The following DPP6 variants were observed in gnomAD, a reference collection of about 807,000 sequenced individuals.
DPP6 encodes the protein dipeptidyl peptidase like 6, also known as A-type potassium channel modulatory protein DPP6.
In DPP6, 69 loss-of-function variants were observed where a neutral mutation model predicts 122.6. That is an observed-to-expected ratio of 0.56 (90% CI 0.46 to 0.69). The LOEUF is 0.69. DPP6 is among the 30% of genes least tolerant of loss of function. DPP6 has a pLI of 0.00. For synonymous variants in DPP6, 418 were observed against 433.1 expected (o/e 0.97, Z 0.43); for missense variants, 928 against 1,116.9 (o/e 0.83, Z 2.41).
intron 8 of DPP6, among the ~76,000 whole-genome samples, chr7:154,733,162 G>C (rs923945049): frequency 1.3e-5 from 2 of 152,226 alleles, no homozygotes; most frequent in African/African-American, 4.8e-5. Flanking sequence ...CCTTCACTGG[G>C]TGGCCAGCAT....
intron 24 of DPP6, 33 bp downstream of exon 24, chr7:154,889,377 C>G (rs1329759311): frequency 6.2e-7 from 1 of 1,610,054 alleles, no homozygotes; most frequent in African/African-American, 1.3e-5. Context: ...CACTGTGTAT[C>G]TAGTAAGAGC....
rs75213895 is a variant in DPP6 at position 154,588,029 on chromosome 7, C to T, written c.627+21113C>T. Reference sequence around the variant, plus strand: ...TGTGAGGCATCGCATCTGCTCACCCCGGGGATAATGCACAGCAGCTACAGG... The same window carrying T: ...TGTGAGGCATCGCATCTGCTCACCCTGGGGATAATGCACAGCAGCTACAGG... On this transcript the variant is annotated intron_variant, in intron 5 of 25. Transcript: ENST00000377770. 0.095 allele frequency: 153,466 copies of T among 1,612,444 alleles called. 7,962 individuals carry two copies. The highest frequency in any genetic ancestry group is 0.17 in the Admixed American group (10,107 of 59,994).
At chr7:154,714,122 A>G in intron 7 of DPP6, among the ~76,000 whole-genome samples, 1 of 152,216 alleles carries the variant, frequency 6.6e-6, no homozygotes, top group East Asian at 1.9e-4. Flanking sequence ...AGACCACCTC[A>G]GCCTGGACTT....
chr7:154,871,501 G>C (rs754178006), intron 18 of DPP6, among the ~76,000 whole-genome samples: 9 of 152,172 alleles, frequency 5.9e-5, no homozygotes, highest in Non-Finnish European at 1.3e-4. Flanking sequence ...GTATTTTTTA[G>C]AAAAGTAGGA....
At chr7:153,866,233 C>T in the DPP6 span, among the ~76,000 whole-genome samples, 18 of 152,314 alleles carry the variant, frequency 1.2e-4, 1 homozygote, top group Admixed American at 9.8e-4. Flanking sequence ...GCCACACTGA[C>T]TTCCACAATG....
At chr7:154,616,820 G>A (rs745588197) in intron 5 of DPP6, among the ~76,000 whole-genome samples, 14 of 152,130 alleles carry the variant, frequency 9.2e-5, no homozygotes, top group Non-Finnish European at 1.8e-4. Flanking sequence ...AATGTTAAAC[G>A]TTCCATCTCA....
chr7:154,331,096 G>A (rs1387238342), intron 1 of DPP6, among the ~76,000 whole-genome samples: 2 of 152,164 alleles, frequency 1.3e-5, no homozygotes, highest in African/African-American at 4.8e-5. Context: ...TGCTCTGAGT[G>A]CCTGTGCTGT....
chr7:154,384,738 TTTTA>T (rs1268374546), intron 1 of DPP6, among the ~76,000 whole-genome samples: 114 of 88,776 alleles, frequency 1.3e-3, no homozygotes, highest in Admixed American at 2.7e-3. Context: ...TCTTTCTTTC[TTTTA>T]TTTTTTTTTG....
chr7:154,311,128 A>G (rs1238944499), intron 1 of DPP6, among the ~76,000 whole-genome samples: 2 of 152,190 alleles, frequency 1.3e-5, no homozygotes, highest in African/African-American at 4.8e-5. Context: ...TTGGAAAAAC[A>G]AAATAAAGTG....
intron 1 of DPP6, among the ~76,000 whole-genome samples, chr7:153,938,753 G>C (rs35529840): frequency 0.014 from 2,099 of 152,282 alleles, 28 homozygotes; most frequent in Middle Eastern, 0.078. Context: ...AAGAAGGAAA[G>C]CAAAGAATGG....
At chr7:154,813,459 T>A (rs1242281440) in intron 16 of DPP6, among the ~76,000 whole-genome samples, 1 of 152,164 alleles carries the variant, frequency 6.6e-6, no homozygotes, top group African/African-American at 2.4e-5. Context: ...AAAAATATAT[T>A]CGAATACAAT....
rs1264607014 is a variant in DPP6, at chr7:154,755,049, C to T, written c.884-14368C>T. Among the ~76,000 whole-genome samples, 2 of 150,882 alleles carry T rather than the reference C, an allele frequency of 1.3e-5. No homozygotes were observed. The highest frequency in any genetic ancestry group is 2.4e-5 in the African/African-American group (1 of 40,920). ...CATGCAGGGCTTAAAACCTAGATGA[C>T]GGGTTGATAGATGCAGCAAACCACC... is the stretch of plus-strand genomic sequence containing the variant. On this transcript the variant is annotated intron_variant, in intron 8 of 25. Coordinates refer to ENST00000377770, the MANE Select transcript of DPP6 (RefSeq NM_130797.4). The surrounding 1 kb of genome is among the most constrained non-coding windows in gnomAD (Gnocchi z 4.7).
the DPP6 span, among the ~76,000 whole-genome samples, chr7:153,811,349 T>C: frequency 2.2e-4 from 34 of 152,126 alleles, no homozygotes; most frequent in African/African-American, 8.0e-4. Context: ...GCCCATTAAA[T>C]GAATTACTGG....
At chr7:154,348,036 T>C (rs1349191695) in intron 1 of DPP6, among the ~76,000 whole-genome samples, 1 of 152,220 alleles carries the variant, frequency 6.6e-6, no homozygotes, top group African/African-American at 2.4e-5. Flanking sequence ...TGAGGAACTA[T>C]GCTGTAAGTA....
intron 4 of DPP6, among the ~76,000 whole-genome samples, chr7:154,546,222 C>T (rs1182746316): frequency 6.6e-6 from 1 of 151,996 alleles, no homozygotes; most frequent in Non-Finnish European, 1.5e-5. Context: ...ACTAGGCTAA[C>T]AACTATATAT....
At chr7:154,009,589 T>C (rs570157518) in intron 1 of DPP6, among the ~76,000 whole-genome samples, 2 of 152,158 alleles carry the variant, frequency 1.3e-5, no homozygotes, top group South Asian at 4.2e-4. Context: ...CTCATGATGT[T>C]CTCCACTCTT....
chr7:154,339,361 C>T (rs1439538226), intron 1 of DPP6, among the ~76,000 whole-genome samples: 1 of 152,130 alleles, frequency 6.6e-6, no homozygotes, highest in Non-Finnish European at 1.5e-5. Flanking sequence ...AGTGGGAACG[C>T]GGAGTGGGAG....
intron 12 of DPP6, among the ~76,000 whole-genome samples, chr7:154,798,199 G>C (rs907411325): frequency 6.6e-6 from 1 of 152,242 alleles, no homozygotes; most frequent in Non-Finnish European, 1.5e-5. Context: ...ATGGACGGCA[G>C]AGTGCATGGT....
intron 2 of DPP6, among the ~76,000 whole-genome samples, chr7:154,470,851 G>A (rs893379998): frequency 5.9e-5 from 9 of 152,168 alleles, no homozygotes; most frequent in Non-Finnish European, 2.9e-5. Flanking sequence ...TTCTTGCATC[G>A]CCACCTTTAT....
Sources: allele counts gnomAD v4.1 joint callset (sites outside exome capture counted in the v4.1 genomes callset), GRCh38; gene constraint gnomAD v4.1.1; non-coding constraint Gnocchi (gnomAD v3.1); transcripts MANE v1.5; gene names NCBI Gene and HGNC (gene_info 2026-07-23, HGNC 2026-07-21).